Variants in BLVRB observed in about 807,000 individuals in gnomAD.
BLVRB encodes the protein biliverdin reductase B, also known as flavin reductase (NADPH).
A neutral mutation model predicts 21.1 loss-of-function variants in BLVRB; 25 were observed. The observed-to-expected ratio is 1.19, with a 90% CI of 0.86 to 1.66. BLVRB has a LOEUF of 1.66. BLVRB is among the 40% of genes most tolerant of loss of function. The pLI is 0.00. For synonymous variants in BLVRB, 128 were observed against 122.2 expected (o/e 1.05, Z -0.31); for missense variants, 274 against 282.7 (o/e 0.97, Z 0.22).
At chr19:40,450,774 A>G (rs1424069757) in intron 4 of BLVRB, among the ~76,000 whole-genome samples, 5 of 151,680 alleles carry the variant, frequency 3.3e-5, no homozygotes, top group Non-Finnish European at 7.4e-5. Context: ...CCTGGGCTGA[A>G]GAAATCCTCC....
intron 4 of BLVRB, among the ~76,000 whole-genome samples, chr19:40,448,368 A>G (rs1451987165): frequency 6.6e-6 from 1 of 151,540 alleles, no homozygotes; most frequent in Non-Finnish European, 1.5e-5. Context: ...AGACAGGAGT[A>G]TCACTCAAGC....
At chr19:40,463,935 T>G (rs1197221988) in intron 1 of BLVRB, among the ~76,000 whole-genome samples, 1 of 151,934 alleles carries the variant, frequency 6.6e-6, no homozygotes, top group Non-Finnish European at 1.5e-5. Context: ...GCCCGGCTAA[T>G]TTTTCGTATT....
chr19:40,454,044 C>T (rs533431423), intron 3 of BLVRB, among the ~76,000 whole-genome samples: 1 of 152,236 alleles, frequency 6.6e-6, no homozygotes, highest in Non-Finnish European at 1.5e-5. Context: ...AGGTGTGTCA[C>T]AGAGACCAGC....
rs774625796 is a variant in BLVRB at position 40,447,917 on chromosome 19, C to T, written c.593G>A (p.Ser198Asn). 138 of 1,613,952 alleles carry T rather than the reference C, an allele frequency of 8.6e-5. No homozygotes were observed. The highest frequency in any genetic ancestry group is 1.1e-4 in the Non-Finnish European group (133 of 1,180,002). Residue 198 changes from serine to asparagine, a missense_variant, in exon 5 of 5, where the codon AGC (serine) becomes AAC (asparagine). Ser to Asn is a conservative substitution (Grantham distance 46, BLOSUM62 1). Transcript: ENST00000263368. ...CLTTDEYDGH[S>N]TYPSHQYQ is the part of the protein sequence containing the mutation. ...CTGGTACTGGTGGGAGGGGTAGGTG[C>T]TGTGTCCGTCGTACTCATCGGTGGT...
At chr19:40,456,434 T>G (rs1228713528) in intron 3 of BLVRB, among the ~76,000 whole-genome samples, 5 of 150,478 alleles carry the variant, frequency 3.3e-5, no homozygotes, top group Non-Finnish European at 5.9e-5. Flanking sequence ...ATGTTTGTTT[T>G]TTTTTTAATG....
At chr19:40,451,594 G>C in intron 3 of BLVRB, 102 bp from the exon 4 acceptor site, 1 of 1,378,544 alleles carries the variant, frequency 7.3e-7, no homozygotes, top group South Asian at 1.5e-5. Flanking sequence ...GTGCAGTGGC[G>C]CAATCTCGGC....
chr19:40,464,802 G>A (rs2079803421), intron 1 of BLVRB, among the ~76,000 whole-genome samples: 2 of 152,252 alleles, frequency 1.3e-5, no homozygotes, highest in South Asian at 2.1e-4. Context: ...TTTGGGGCAC[G>A]CAGATAGTCA....
At chr19:40,455,630 G>A (rs931617920) in intron 3 of BLVRB, among the ~76,000 whole-genome samples, 34 of 152,148 alleles carry the variant, frequency 2.2e-4, no homozygotes, top group Non-Finnish European at 5.9e-5. Context: ...CCCAGGAGGT[G>A]GATGTTGCAG....
At chr19:40,454,712 A>ATTTTTT (rs2079755396) in intron 3 of BLVRB, among the ~76,000 whole-genome samples, 1 of 151,768 alleles carries the variant, frequency 6.6e-6, no homozygotes. Context: ...CGCCTGGCTA[A>ATTTTTT]TTTTTTGTAT....
In BLVRB at chr19:40,465,723, C is replaced by T. The variant is rs768341103; in HGVS notation, c.-35G>A. The T allele has an allele frequency of 1.9e-6, 3 of 1,605,930 alleles. No individual in the cohort carries two copies. Among genetic ancestry groups the T allele is most frequent in the East Asian group, 2.2e-5 (1 of 44,622 alleles). ...TCGTGGGGGTGCAAGGCCTCAGAGT[C>T]TCGGCACGCGCGGGAACCCACTGGC... is the stretch of plus-strand genomic sequence containing the variant. On this transcript the variant is annotated 5_prime_UTR_variant, in exon 1 of 5. Coordinates refer to ENST00000263368, the MANE Select transcript of BLVRB (RefSeq NM_000713.3).
chr19:40,465,706 G>T lies in BLVRB; in HGVS notation c.-18C>A, dbSNP rs779601236. 1.9e-6 allele frequency: 3 copies of T among 1,611,690 alleles called. No individual in the cohort carries two copies. Among genetic ancestry groups the T allele is most frequent in the Admixed American group, 3.3e-5 (2 of 59,926 alleles). ...ACGGCCATCGTACGGGATCGTGGGG[G>T]TGCAAGGCCTCAGAGTCTCGGCACG... On this transcript the variant is annotated 5_prime_UTR_variant, in exon 1 of 5. Transcript: ENST00000263368.
intron 1 of BLVRB, among the ~76,000 whole-genome samples, chr19:40,459,228 C>G (rs2079775701): frequency 7.0e-6 from 1 of 142,188 alleles, no homozygotes; most frequent in Non-Finnish European, 1.5e-5. Flanking sequence ...ACTTGGGAAG[C>G]TGAGGCAAAA....
At chr19:40,463,771 A>ATT (rs568219419) in intron 1 of BLVRB, among the ~76,000 whole-genome samples, 158 of 143,952 alleles carry the variant, frequency 1.1e-3, no homozygotes, top group African/African-American at 2.5e-3. Flanking sequence ...TGCCCAGCTA[A>ATT]TTTTTTTTTT....
chr19:40,452,478 A>ATTTT (rs1276313325), intron 3 of BLVRB, among the ~76,000 whole-genome samples: 1 of 137,904 alleles, frequency 7.3e-6, no homozygotes, highest in East Asian at 2.1e-4. Context: ...AAACCCCACT[A>ATTTT]TTTTTTTTTT....
In BLVRB at chr19:40,458,530, A is replaced by G. The variant is rs138251638; in HGVS notation, c.95T>C (p.Val32Ala). Residue 32 changes from valine to alanine, a missense_variant, in exon 2 of 5, where the codon GTG (valine) becomes GCG (alanine). Coordinates refer to ENST00000263368, the MANE Select transcript of BLVRB (RefSeq NM_000713.3). ...QAVQAGYEVT[V>A]LVRDSSRLPS... ...CAGCCTGGAGGAGTCCCGCACCAGCACTGTCACTTCGTAACCTGTGGGCAA... is the reference window on the plus strand; with the variant it reads ...CAGCCTGGAGGAGTCCCGCACCAGCGCTGTCACTTCGTAACCTGTGGGCAA... The G allele has an allele frequency of 1.1e-5, 18 of 1,609,308 alleles. No homozygotes were observed. The African/African-American group carries it at 1.6e-4, about 14-fold the overall frequency.
intron 3 of BLVRB, 134 bp from the exon 4 acceptor site, chr19:40,451,626 G>A (rs1050717184): frequency 1.4e-5 from 18 of 1,245,818 alleles, no homozygotes; most frequent in South Asian, 8.0e-5. Context: ...TCTGCCTCCC[G>A]GGTTCAAGCA....
intron 3 of BLVRB, 198 bp downstream of exon 3, chr19:40,457,957 G>A: frequency 1.7e-6 from 1 of 572,542 alleles, no homozygotes; most frequent in Admixed American, 3.0e-5. Context: ...CTCTCTGTGA[G>A]CCTTGTGTGA....
At chr19:40,464,159 C>T (rs1448506678) in intron 1 of BLVRB, among the ~76,000 whole-genome samples, 2 of 152,138 alleles carry the variant, frequency 1.3e-5, no homozygotes, top group Non-Finnish European at 2.9e-5. Flanking sequence ...AAACACAGCT[C>T]ACTGTAGCCT....
At chr19:40,453,124 T>C (rs1206578889) in intron 3 of BLVRB, among the ~76,000 whole-genome samples, 3 of 152,188 alleles carry the variant, frequency 2.0e-5, no homozygotes, top group Non-Finnish European at 2.9e-5. Flanking sequence ...TTGCCCAGGC[T>C]AGTTTTGAAC....
Sources: gnomAD v4.1 joint callset for allele counts (sites outside exome capture counted in the v4.1 genomes callset) on GRCh38, gnomAD v4.1.1 for gene constraint, MANE v1.5 for transcripts, NCBI Gene and HGNC (gene_info 2026-07-23, HGNC 2026-07-21) for gene names.